Variants in SLC25A36 observed in about 807,000 individuals in gnomAD.
The protein encoded by SLC25A36 is epididymis secretory sperm binding protein.
Under a neutral mutation model 35.3 loss-of-function variants are expected in SLC25A36, and 24 were observed. The ratio of observed to expected loss-of-function variants is 0.68; its 90% CI spans 0.49 to 0.96. SLC25A36 has a LOEUF of 0.96. Among genes scored for constraint, SLC25A36 ranks in the 40% least tolerant of loss-of-function variants. The pLI is 0.00. For missense variants in SLC25A36, 294 were observed against 381.1 expected, an observed-to-expected ratio of 0.77 and a Z score of 1.90; for synonymous variants, 141 against 132.2, an observed-to-expected ratio of 1.07 and a Z score of -0.46.
intron 6 of SLC25A36, 138 bp downstream of exon 6, chr3:140,974,143 G>C: frequency 1.7e-6 from 1 of 602,580 alleles, no homozygotes; most frequent in East Asian, 2.8e-5. Context: ...ATTAAATCTG[G>C]TTAAGTAATG....
In SLC25A36 at chr3:140,956,482, T is replaced by C. The variant is rs368956404; in HGVS notation, c.42-45T>C. The C allele has an allele frequency of 5.3e-5, 80 of 1,499,108 alleles. No individual in the cohort carries two copies. In the Middle Eastern group the frequency reaches 7.3e-4, roughly 14 times the overall value. 92.9% of individuals were successfully genotyped at this position (1,499,108 alleles called of 1,614,324 possible). ...AGCTCTGGGCATATATACTAACTTA[T>C]GAATTAAGTAGATAAGCTGTGTTCT... is the stretch of plus-strand genomic sequence containing the variant. On this transcript the variant is annotated intron_variant, in intron 1 of 6. Transcript: ENST00000324194.
intron 4 of SLC25A36, chr3:140,967,862 A>G (rs1249305393): frequency 3.0e-5 from 13 of 440,600 alleles, no homozygotes; most frequent in African/African-American, 2.8e-4. Flanking sequence ...TTCTTAACTT[A>G]CAAATGGATC....
chr3:140,979,708 GTTTA>G lies in SLC25A36; in HGVS notation c.*3257_*3260del, dbSNP rs1412035118. Reference sequence around the variant, plus strand: ...AATTCTGGTTTGACTCAGTTTTTGTGTTTATAAACTTTTGGAATGTGTACCCCGT... The same window carrying G: ...AATTCTGGTTTGACTCAGTTTTTGTGTAAACTTTTGGAATGTGTACCCCGT... On this transcript the variant is annotated 3_prime_UTR_variant, in exon 7 of 7. Transcript: ENST00000324194. The G allele has an allele frequency of 6.6e-6, 1 of 152,014 alleles. No homozygotes were observed. The highest frequency in any genetic ancestry group is 1.5e-5 in the Non-Finnish European group (1 of 67,982). The allele number at this position is 152,014 out of a possible 1,614,324, so 9.4% of individuals were successfully genotyped here.
intron 1 of SLC25A36, among the ~76,000 whole-genome samples, chr3:140,948,392 C>T (rs1934225683): frequency 1.3e-5 from 2 of 151,202 alleles, no homozygotes; most frequent in Admixed American, 6.6e-5. Context: ...CTGCGTTAGC[C>T]AGGTTGGTCT....
chr3:140,950,918 C>CTGTGTGTCTGTGTGTGTGTG (rs1553726051), intron 1 of SLC25A36, among the ~76,000 whole-genome samples: 14 of 136,464 alleles, frequency 1.0e-4, no homozygotes, highest in African/African-American at 3.5e-4. Context: ...GTCTGTGTGT[C>CTGTGTGTCTGTGTGTGTGTG]TGTGTGTGTG....
chr3:140,942,294 C>G (rs1461156082), intron 1 of SLC25A36, among the ~76,000 whole-genome samples, 199 bp downstream of exon 1: 1 of 145,914 alleles, frequency 6.9e-6, no homozygotes, highest in Non-Finnish European at 1.5e-5. Flanking sequence ...TTCGGGGAAG[C>G]AAGGGGGTGA....
intron 2 of SLC25A36, among the ~76,000 whole-genome samples, chr3:140,958,960 TTGTG>T (rs377492880): frequency 0.1 from 11,660 of 112,486 alleles, 625 homozygotes; most frequent in South Asian, 0.17. Flanking sequence ...AAACAATGTT[TTGTG>T]TGTGTGTGTG....
rs1313870235 is a variant in SLC25A36, at chr3:140,975,220, G to T, written c.743-1040G>T. Among the ~76,000 whole-genome samples the T allele has an allele frequency of 4.3e-5, 6 of 138,880 alleles. No individual in the cohort carries two copies. In the East Asian group the frequency reaches 1.4e-3, roughly 31 times the overall value. The allele number at this position is 138,880 out of a possible 152,430, so 91.1% of individuals were successfully genotyped here. Reference sequence around the variant, plus strand: ...ACTCCAAGGCTCAATTAATCCTCCTGCCCCAGCCTCCCAAGTAGCTGGGAC... The same window carrying T: ...ACTCCAAGGCTCAATTAATCCTCCTTCCCCAGCCTCCCAAGTAGCTGGGAC... On this transcript the variant is annotated intron_variant, in intron 6 of 6. Transcript: ENST00000324194.
At chr3:140,956,442 AC>A in intron 1 of SLC25A36, 84 bp from the exon 2 acceptor site, 1 of 1,313,444 alleles carries the variant, frequency 7.6e-7, no homozygotes, top group Non-Finnish European at 9.8e-7. Context: ...AGCTCCAGGT[AC>A]CCATGTGGAT....
intron 1 of SLC25A36, among the ~76,000 whole-genome samples, chr3:140,956,128 G>T (rs577038230): frequency 6.6e-6 from 1 of 152,302 alleles, no homozygotes; most frequent in Non-Finnish European, 1.5e-5. Flanking sequence ...AAGGACAGGA[G>T]TTTGAAAGAT....
At chr3:140,965,027 A>G (rs1258835393) in intron 4 of SLC25A36, 2 of 151,866 alleles carry the variant, frequency 1.3e-5, no homozygotes, top group African/African-American at 2.4e-5. Flanking sequence ...TTACAATCTC[A>G]TACTTGTTCA....
intron 1 of SLC25A36, among the ~76,000 whole-genome samples, chr3:140,947,918 G>A (rs1934209428): frequency 6.6e-6 from 1 of 152,100 alleles, no homozygotes; most frequent in African/African-American, 2.4e-5. Context: ...TTAATGATTT[G>A]TATAGAATTT....
At chr3:140,951,197 C>G (rs954714551) in intron 1 of SLC25A36, among the ~76,000 whole-genome samples, 3 of 150,586 alleles carry the variant, frequency 2.0e-5, no homozygotes, top group African/African-American at 7.5e-5. Context: ...CTCTGGGCCT[C>G]TCTGTTCTTC....
intron 1 of SLC25A36, 73 bp from the exon 2 acceptor site, chr3:140,956,454 T>A: frequency 7.4e-7 from 1 of 1,356,016 alleles, no homozygotes; most frequent in Middle Eastern, 2.1e-4. Context: ...CCATGTGGAT[T>A]ACAGCTCTGG....
intron 6 of SLC25A36, among the ~76,000 whole-genome samples, chr3:140,974,723 T>C (rs1934991949): frequency 6.6e-6 from 1 of 152,200 alleles, no homozygotes; most frequent in Non-Finnish European, 1.5e-5. Flanking sequence ...AGATTTGTTT[T>C]TTAATGTAAG....
rs1243355345 is a variant in SLC25A36, at chr3:140,974,032, A to G, written c.742+27A>G. On this transcript the variant is annotated intron_variant, in intron 6 of 6. Transcript: ENST00000324194. ...TAAGAAGAGTTATCTATTAAATCAG[A>G]AATATTTTCCCACCCCAGCCAACAG... 8.1e-6 allele frequency: 12 copies of G among 1,479,756 alleles called. No individual in the cohort carries two copies. In the Admixed American group the frequency reaches 2.7e-4, roughly 33 times the overall value. The allele number at this position is 1,479,756 out of a possible 1,614,324, so 91.7% of individuals were successfully genotyped here.
intron 4 of SLC25A36, among the ~76,000 whole-genome samples, chr3:140,969,386 C>G (rs537008645): frequency 6.6e-6 from 1 of 151,892 alleles, no homozygotes; most frequent in East Asian, 1.9e-4. Context: ...CCTGCTGATG[C>G]GTCTAAAACT....
chr3:140,954,035 G>A (rs1431846799), intron 1 of SLC25A36, among the ~76,000 whole-genome samples: 3 of 152,122 alleles, frequency 2.0e-5, no homozygotes, highest in Non-Finnish European at 2.9e-5. Context: ...CACACCCCTT[G>A]AAGTCACTTT....
chr3:140,947,854 A>G (rs1420531965), intron 1 of SLC25A36, among the ~76,000 whole-genome samples: 1 of 152,260 alleles, frequency 6.6e-6, no homozygotes, highest in Non-Finnish European at 1.5e-5. Flanking sequence ...AAAGCTTCAG[A>G]GAAAATAGTT....
Sources: gnomAD v4.1 joint callset for allele counts (sites outside exome capture counted in the v4.1 genomes callset) on GRCh38, gnomAD v4.1.1 for gene constraint, MANE v1.5 for transcripts, NCBI Gene and HGNC (gene_info 2026-07-23, HGNC 2026-07-21) for gene names.